The following TMEM30A variants were observed in gnomAD, a reference collection of about 807,000 sequenced individuals.
TMEM30A encodes the protein cell division cycle 50 P4-ATPase accessory subunit A, also known as cell cycle control protein 50A.
Under a neutral mutation model 38.2 loss-of-function variants are expected in TMEM30A, and 24 were observed. The observed-to-expected ratio is 0.63, with a 90% confidence interval of 0.46 to 0.88. The LOEUF (loss-of-function observed/expected upper bound fraction) is 0.88, where lower values mean the gene tolerates loss of function less well. Ranked by LOEUF, TMEM30A falls within the 40% of genes least tolerant of loss-of-function variation. The pLI is 0.00. For missense variants in TMEM30A, 370 were observed against 458.6 expected (o/e 0.81, Z 1.77); for synonymous variants, 145 against 161.6 (o/e 0.90, Z 0.78).
At chr6:75,259,286 T>C in intron 5 of TMEM30A, 61 bp downstream of exon 5, 1 of 1,517,724 alleles carries the variant, frequency 6.6e-7, no homozygotes, top group Non-Finnish European at 8.9e-7. Context: ...AGATAGAAAA[T>C]TTAAAATACT....
rs1771842952 is a variant in TMEM30A, at chr6:75,254,899, AAAAAT to A, written c.*1198_*1202del. 6.6e-6 allele frequency: 1 copy of A among 152,532 alleles called. No individual in the cohort carries two copies. The allele number at this position is 152,532 out of a possible 1,614,324, so 9.4% of individuals were successfully genotyped here. A position where few individuals can be genotyped will look rare whatever the true frequency, so the allele number is the denominator to read the frequency against. ...GGAATATTAAAATAATTCATTAGTA[AAAAAT>A]AAAATAACTTCAACCATATACATAT... On this transcript the variant is annotated 3_prime_UTR_variant, in exon 7 of 7. Coordinates refer to ENST00000230461, the MANE Select transcript of TMEM30A (RefSeq NM_018247.4).
chr6:75,262,681 A>C (rs79223822), intron 3 of TMEM30A, among the ~76,000 whole-genome samples: 1 of 152,170 alleles, frequency 6.6e-6, no homozygotes, highest in Non-Finnish European at 1.5e-5. Flanking sequence ...ACAAAAAAAA[A>C]CAAAGCTATT....
intron 1 of TMEM30A, among the ~76,000 whole-genome samples, chr6:75,276,066 C>G (rs973984811): frequency 6.6e-6 from 1 of 152,076 alleles, no homozygotes. Context: ...CATAATGAAG[C>G]CTTCATGAAA....
Position 75,256,296 on chromosome 6 carries a change from C to T in TMEM30A, c.893-1G>A. On this transcript the variant is annotated splice_acceptor_variant, in intron 6 of 6. Coordinates refer to ENST00000230461, the MANE Select transcript of TMEM30A (RefSeq NM_018247.4). LOFTEE classifies it high-confidence loss of function. Reference sequence around the variant, plus strand: ...CCATCAAAATAATGTACAGGGTAATCTGAAGAGGGTATAGGAAGATTTTTC... The same window carrying T: ...CCATCAAAATAATGTACAGGGTAATTTGAAGAGGGTATAGGAAGATTTTTC... 6.2e-7 allele frequency: 1 copy of T among 1,609,778 alleles called. No individual in the cohort carries two copies. The highest frequency in any genetic ancestry group is 8.5e-7 in the Non-Finnish European group (1 of 1,177,364).
intron 1 of TMEM30A, among the ~76,000 whole-genome samples, chr6:75,277,305 C>CAAAAA (rs60419282): frequency 2.2e-5 from 2 of 91,670 alleles, no homozygotes; most frequent in Admixed American, 1.1e-4. Context: ...TGTCCTCATC[C>CAAAAA]AAAAAAAAAA....
intron 3 of TMEM30A, among the ~76,000 whole-genome samples, chr6:75,261,439 C>T (rs1206648547): frequency 6.6e-6 from 1 of 152,128 alleles, no homozygotes; most frequent in African/African-American, 2.4e-5. Context: ...AGTGCAGATT[C>T]CTAGAATATA....
chr6:75,263,538 G>A (rs1327983965), intron 3 of TMEM30A, among the ~76,000 whole-genome samples: 1 of 152,138 alleles, frequency 6.6e-6, no homozygotes, highest in Non-Finnish European at 1.5e-5. Context: ...GCACATTTTT[G>A]CATGGAAGGG....
chr6:75,256,287 C>T lies in TMEM30A; in HGVS notation c.901G>A (p.Val301Ile). 2 of 1,612,280 alleles carry T rather than the reference C, an allele frequency of 1.2e-6. No homozygotes were observed. Among genetic ancestry groups the T allele is most frequent in the Non-Finnish European group, 1.7e-6 (2 of 1,178,846 alleles). ...YSLNVTYNYP[V>I]HYFDGRKRMI... ...CGTTTTCGTCCATCAAAATAATGTA[C>T]AGGGTAATCTGAAGAGGGTATAGGA... is the stretch of plus-strand genomic sequence containing the variant. The change falls in exon 7 of 7, where the codon GTA becomes ATA. Residue 301 changes from valine (V) to isoleucine (I), a missense_variant. Val to Ile is a conservative substitution (Grantham distance 29). Transcript: ENST00000230461.
chr6:75,259,381 G>C lies in TMEM30A; in HGVS notation c.651C>G (p.Pro217=), dbSNP rs1377893835. The change falls in exon 5 of 7, where the codon CCC becomes CCG. Residue 217 remains proline, a synonymous_variant. Coordinates refer to ENST00000230461, the MANE Select transcript of TMEM30A (RefSeq NM_018247.4). ...GTTCTTCCAGGTTGTCTCCTCCAGGGGGATTTCTGAATTTCACATTTTTAT... is the reference window on the plus strand; with the variant it reads ...GTTCTTCCAGGTTGTCTCCTCCAGGCGGATTTCTGAATTTCACATTTTTAT... ...WTDKNVKFRN[P]PGGDNLEERF... 3 of 1,613,210 alleles carry C rather than the reference G, an allele frequency of 1.9e-6. No individual in the cohort carries two copies. In the African/African-American group the frequency reaches 4.0e-5, roughly 22 times the overall value.
chr6:75,264,058 G>A (rs1213292463), intron 3 of TMEM30A, among the ~76,000 whole-genome samples: 1 of 152,082 alleles, frequency 6.6e-6, no homozygotes, highest in African/African-American at 2.4e-5. Flanking sequence ...TGGATCCTAT[G>A]GAATAAACCC....
chr6:75,276,862 T>C (rs1174000370), intron 1 of TMEM30A, among the ~76,000 whole-genome samples: 1 of 152,168 alleles, frequency 6.6e-6, no homozygotes, highest in Non-Finnish European at 1.5e-5. Context: ...TCAGCCATAT[T>C]GGCCTCTTTG....
intron 6 of TMEM30A, chr6:75,256,852 G>A: frequency 4.5e-6 from 2 of 446,602 alleles, no homozygotes; most frequent in Non-Finnish European, 9.0e-6. Context: ...ATAGCTAACA[G>A]TGGCAGTGAA....
In TMEM30A at chr6:75,284,581, C is replaced by T. The variant is rs983846586; in HGVS notation, c.58G>A (p.Gly20Arg). 40 of 1,613,726 alleles carry T rather than the reference C, an allele frequency of 2.5e-5. No homozygotes were observed. Among genetic ancestry groups the T allele is most frequent in the Non-Finnish European group, 3.4e-5 (40 of 1,179,892 alleles). ...EVDGGPPCAPGGTAKTRRPDN... is the reference protein window; with the variant it reads ...EVDGGPPCAPRGTAKTRRPDN... Reference sequence around the variant, plus strand: ...GGTCTCCGAGTCTTCGCGGTGCCCCCCGGAGCACACGGGGGCCCACCGTCC... The same window carrying T: ...GGTCTCCGAGTCTTCGCGGTGCCCCTCGGAGCACACGGGGGCCCACCGTCC... Residue 20 changes from glycine to arginine, a missense_variant, in exon 1 of 7, where the codon GGG becomes AGG. By Grantham distance (125) the Gly-to-Arg change is moderately radical. Transcript: ENST00000230461.
At chr6:75,261,508 C>CAA (rs1771963878) in intron 3 of TMEM30A, among the ~76,000 whole-genome samples, 1 of 152,184 alleles carries the variant, frequency 6.6e-6, no homozygotes, top group African/African-American at 2.4e-5. Flanking sequence ...CAAGGCAGAA[C>CAA]ATTTGCCTGT....
rs766839161 is a variant in TMEM30A at position 75,258,864 on chromosome 6, G to A, written c.808C>T (p.Arg270Cys). ...CTTTCTATAAGACGATACAACTTGC[G>A]AAAAGTAGGTAATGCTGCAGTACGC... ...WMRTAALPTF[R>C]KLYRLIERKS... Residue 270 changes from arginine to cysteine, a missense_variant, in exon 6 of 7, where the codon CGC becomes TGC. Physicochemically the swap from Arg to Cys is radical, Grantham distance 180. Transcript: ENST00000230461. 24 of 1,613,928 alleles carry A rather than the reference G, an allele frequency of 1.5e-5. No individual in the cohort carries two copies. Among genetic ancestry groups the A allele is most frequent in the East Asian group, 2.2e-5 (1 of 44,842 alleles).
chr6:75,255,843 C>G lies in TMEM30A; in HGVS notation c.*259G>C, dbSNP rs191620539. Reference sequence around the variant, plus strand: ...GGCTCTATGCATCATGTGGCCTGTCCGAATAAAAAGCAAACATTAGAATGC... The same window carrying G: ...GGCTCTATGCATCATGTGGCCTGTCGGAATAAAAAGCAAACATTAGAATGC... On this transcript the variant is annotated 3_prime_UTR_variant, in exon 7 of 7. Transcript: ENST00000230461. 42 of 322,242 alleles carry G rather than the reference C, an allele frequency of 1.3e-4. No individual in the cohort carries two copies. The highest frequency in any genetic ancestry group is 8.3e-4 in the African/African-American group (39 of 47,132). The allele number at this position is 322,242 out of a possible 1,614,324, so 20.0% of individuals were successfully genotyped here. A position where few individuals can be genotyped will look rare whatever the true frequency, so the allele number is the denominator to read the frequency against.
At position 75,258,817 on chromosome 6, in the gene TMEM30A, T is replaced by C. The variant is rs199627116; in HGVS notation, c.855A>G (p.Thr285=). 1 of 1,613,922 alleles carries C rather than the reference T, an allele frequency of 6.2e-7. No individual in the cohort carries two copies. The highest frequency in any genetic ancestry group is 1.7e-5 in the Admixed American group (1 of 60,020). The change falls in exon 6 of 7, where the codon ACA becomes ACG. Residue 285 remains threonine (T), a synonymous_variant. Transcript: ENST00000230461. The part of the protein sequence containing the change: ...LIERKSDLHP[T]LPAGRYSLNV... Reference sequence around the variant, plus strand: ...TCAAAGAGTATCGGCCAGCTGGTAATGTTGGATGTAAATCACTTTTCCTTT... The same window carrying C: ...TCAAAGAGTATCGGCCAGCTGGTAACGTTGGATGTAAATCACTTTTCCTTT...
At chr6:75,263,915 T>G (rs1171841233) in intron 3 of TMEM30A, among the ~76,000 whole-genome samples, 2 of 152,144 alleles carry the variant, frequency 1.3e-5, no homozygotes, top group Non-Finnish European at 2.9e-5. Flanking sequence ...ATAAAATAAT[T>G]GTAAATCAGC....
At chr6:75,280,269 G>A (rs935560664) in intron 1 of TMEM30A, among the ~76,000 whole-genome samples, 3 of 152,146 alleles carry the variant, frequency 2.0e-5, no homozygotes, top group African/African-American at 7.2e-5. Context: ...TGTAGCAAAT[G>A]CTAACTTTGC....
Sources: allele counts gnomAD v4.1 joint callset (sites outside exome capture counted in the v4.1 genomes callset), GRCh38; gene constraint gnomAD v4.1.1; transcripts MANE v1.5; gene names NCBI Gene and HGNC (gene_info 2026-07-23, HGNC 2026-07-21).